Variants in REEP1 observed in about 807,000 individuals in gnomAD.
The protein encoded by REEP1 is receptor accessory protein 1.
Under a neutral mutation model 40.3 loss-of-function variants are expected in REEP1, and 22 were observed. That is an observed-to-expected ratio of 0.55 (90% confidence interval 0.39 to 0.78). The LOEUF (loss-of-function observed/expected upper bound fraction) is 0.78, where lower values mean the gene tolerates loss of function less well. Ranked by LOEUF, REEP1 falls within the 30% of genes least tolerant of loss-of-function variation. REEP1 has a pLI of 0.00. For missense variants in REEP1, 280 were observed against 361.1 expected (o/e 0.78, Z 1.82); for synonymous variants, 116 against 139.2 (o/e 0.83, Z 1.17).
rs557264855 is a variant in REEP1, at chr2:86,249,384, C to A, written c.417+2573G>T. 3.9e-5 allele frequency among the ~76,000 whole-genome samples: 6 copies of A among 152,328 alleles called. No individual in the cohort carries two copies. The East Asian group carries it at 5.8e-4, about 15-fold the overall frequency. ...CCCGGTTCCCACACACACGCCACTGCTTTCCTCATTCTCAAGGTTAAGGCT... is the reference window on the plus strand; with the variant it reads ...CCCGGTTCCCACACACACGCCACTGATTTCCTCATTCTCAAGGTTAAGGCT... On this transcript the variant is annotated intron_variant, in intron 5 of 8. Coordinates refer to ENST00000538924, the MANE Select transcript of REEP1 (RefSeq NM_001371279.1).
At chr2:86,221,041 A>G (rs1332009712) in intron 7 of REEP1, among the ~76,000 whole-genome samples, 2 of 152,192 alleles carry the variant, frequency 1.3e-5, no homozygotes, top group Non-Finnish European at 2.9e-5. Context: ...AGAATGCAAG[A>G]CTAAGGGGTT....
chr2:86,217,943 A>G (rs191270034), intron 8 of REEP1, among the ~76,000 whole-genome samples: 2 of 152,132 alleles, frequency 1.3e-5, no homozygotes, highest in Non-Finnish European at 2.9e-5. Context: ...TGAAGGGAAC[A>G]TTTTCTGGCA....
intron 3 of REEP1, among the ~76,000 whole-genome samples, chr2:86,259,850 G>A (rs1391805900): frequency 1.3e-5 from 2 of 152,236 alleles, no homozygotes; most frequent in Non-Finnish European, 2.9e-5. Context: ...CCCTAGGGGA[G>A]AAGTGGGAAG....
chr2:86,226,075 TCACCACCACCACCACCACCAC>T (rs70956105), intron 7 of REEP1, among the ~76,000 whole-genome samples: 3 of 111,786 alleles, frequency 2.7e-5, no homozygotes, highest in East Asian at 2.4e-4. Flanking sequence ...CTCCAGGCTA[TCACCACCACCACCACCACCAC>T]CACCACCACC....
intron 2 of REEP1, 112 bp downstream of exon 2, chr2:86,282,058 C>T: frequency 2.6e-6 from 2 of 774,078 alleles, no homozygotes; most frequent in South Asian, 2.7e-5. Context: ...GATGAAGGAA[C>T]TCCTTTTCCC....
At chr2:86,248,764 T>C (rs961457402) in intron 5 of REEP1, among the ~76,000 whole-genome samples, 1 of 152,232 alleles carries the variant, frequency 6.6e-6, no homozygotes, top group Non-Finnish European at 1.5e-5. Context: ...AGGCCTAGTT[T>C]AGACCTGTTG....
intron 5 of REEP1, among the ~76,000 whole-genome samples, chr2:86,237,214 T>C (rs1675408675): frequency 8.2e-6 from 1 of 122,314 alleles, no homozygotes; most frequent in Non-Finnish European, 2.1e-5. Context: ...TTAAGAACTG[T>C]TTGAGAAAGG....
At chr2:86,328,283 C>G (rs1036440409) in intron 1 of REEP1, among the ~76,000 whole-genome samples, 1 of 152,244 alleles carries the variant, frequency 6.6e-6, no homozygotes, top group Non-Finnish European at 1.5e-5. Flanking sequence ...GCGTGACCCA[C>G]TCAGCCCAAT....
At chr2:86,322,245 T>C (rs377454772) in intron 1 of REEP1, among the ~76,000 whole-genome samples, 15 of 152,256 alleles carry the variant, frequency 9.9e-5, no homozygotes, top group East Asian at 5.8e-4. Context: ...AACAAACATA[T>C]TAAGAACATC....
At chr2:86,229,097 C>A (rs1674875336) in intron 6 of REEP1, among the ~76,000 whole-genome samples, 1 of 152,200 alleles carries the variant, frequency 6.6e-6, no homozygotes, top group Admixed American at 6.5e-5. Context: ...TGCCACCTGT[C>A]CAGGGTTTGC....
intron 1 of REEP1, among the ~76,000 whole-genome samples, chr2:86,313,565 G>T (rs1000101319): frequency 6.6e-6 from 1 of 152,174 alleles, no homozygotes; most frequent in African/African-American, 2.4e-5. Context: ...CTGTTAAATG[G>T]CAGAGCCATG....
chr2:86,294,196 A>G (rs1303941140), intron 1 of REEP1, among the ~76,000 whole-genome samples: 1 of 152,204 alleles, frequency 6.6e-6, no homozygotes, highest in East Asian at 1.9e-4. Context: ...CAGTTTTGCA[A>G]GATGGAAGCT....
intron 8 of REEP1, 45 bp downstream of exon 8, chr2:86,219,925 C>T: frequency 8.1e-7 from 1 of 1,230,880 alleles, no homozygotes; most frequent in Non-Finnish European, 1.0e-6. Context: ...AGGGCATAGC[C>T]TTTGGACAAA....
intron 3 of REEP1, chr2:86,255,021 G>A (rs1676478464): frequency 5.9e-6 from 3 of 505,478 alleles, no homozygotes; most frequent in Non-Finnish European, 1.1e-5. Flanking sequence ...TTGAAAACCA[G>A]TTCGTGTTTT....
At chr2:86,272,021 G>C (rs1469463732) in intron 2 of REEP1, among the ~76,000 whole-genome samples, 4 of 152,188 alleles carry the variant, frequency 2.6e-5, no homozygotes, top group Admixed American at 2.6e-4. Context: ...TCAGGAGTTT[G>C]AGACTAGCCT....
intron 3 of REEP1, among the ~76,000 whole-genome samples, chr2:86,263,521 G>A (rs540371093): frequency 3.5e-4 from 53 of 152,290 alleles, no homozygotes; most frequent in African/African-American, 1.2e-3. Context: ...TTACAGGCAT[G>A]AGCCACCACA....
intron 5 of REEP1, among the ~76,000 whole-genome samples, chr2:86,237,833 T>C (rs544135823): frequency 1.3e-5 from 2 of 152,294 alleles, no homozygotes; most frequent in South Asian, 4.1e-4. Flanking sequence ...TTCCTTTTAA[T>C]GTATTTATAA....
chr2:86,329,127 G>T (rs1275105231), intron 1 of REEP1, among the ~76,000 whole-genome samples: 1 of 152,176 alleles, frequency 6.6e-6, no homozygotes, highest in Non-Finnish European at 1.5e-5. Flanking sequence ...TCTTCCCCTG[G>T]AGTGCGGCCA....
intron 6 of REEP1, among the ~76,000 whole-genome samples, chr2:86,229,584 T>C (rs1674898156): frequency 6.7e-6 from 1 of 148,724 alleles, no homozygotes; most frequent in South Asian, 2.1e-4. Flanking sequence ...CCAGGCCATC[T>C]TTCACCTGTC....
Sources: allele counts gnomAD v4.1 joint callset (sites outside exome capture counted in the v4.1 genomes callset), GRCh38; gene constraint gnomAD v4.1.1; transcripts MANE v1.5; gene names NCBI Gene and HGNC (gene_info 2026-07-23, HGNC 2026-07-21).